The following GALNTL6 variants were observed in gnomAD, a reference collection of about 807,000 sequenced individuals.
GALNTL6 encodes polypeptide N-acetylgalactosaminyltransferase like 6, also known as polypeptide N-acetylgalactosaminyltransferase-like 6.
GALNTL6 carries 46 observed loss-of-function variants against 73.7 expected under a neutral mutation model. The ratio of observed to expected loss-of-function variants is 0.62; its 90% confidence interval spans 0.49 to 0.80. GALNTL6 has a LOEUF of 0.80. Ranked by LOEUF, GALNTL6 falls within the 30% of genes least tolerant of loss-of-function variation. The pLI is 0.00. For synonymous variants in GALNTL6, 259 were observed against 263.7 expected, an observed-to-expected ratio of 0.98 and a Z score of 0.17; for missense variants, 604 against 755.0, an observed-to-expected ratio of 0.80 and a Z score of 2.34.
Position 172,831,185 on chromosome 4 carries a change from A to T in GALNTL6, c.923+17462A>T, listed in dbSNP as rs1742616331. Reference sequence around the variant, plus strand: ...AAAAAAAAAAAAAAAAAAAAAAAAAAAAAAAGATTCAGAGTCAAAAGACAC... The same window carrying T: ...AAAAAAAAAAAAAAAAAAAAAAAAATAAAAAGATTCAGAGTCAAAAGACAC... On this transcript the variant is annotated intron_variant, in intron 7 of 12. Transcript: ENST00000506823. Among the ~76,000 whole-genome samples, 3 of 142,238 alleles carry T rather than the reference A, an allele frequency of 2.1e-5. No homozygotes were observed. In the Admixed American group the frequency reaches 2.1e-4, roughly 10 times the overall value. 93.3% of individuals were successfully genotyped at this position (142,238 alleles called of 152,430 possible). A position where few individuals can be genotyped will look rare whatever the true frequency, so the allele number is the denominator to read the frequency against.
intron 5 of GALNTL6, among the ~76,000 whole-genome samples, chr4:172,364,179 T>TGG (rs1235717736): frequency 6.6e-6 from 1 of 152,152 alleles, no homozygotes; most frequent in Non-Finnish European, 1.5e-5. Context: ...CAGCCCTCTG[T>TGG]GGGGAGCCAA....
chr4:172,488,857 A>C, intron 5 of GALNTL6, among the ~76,000 whole-genome samples: 1 of 141,252 alleles, frequency 7.1e-6, no homozygotes, highest in Non-Finnish European at 1.6e-5. Context: ...GGGGGTGGGT[A>C]CTAGTTCTGT....
At chr4:172,083,512 G>A (rs1294700032) in intron 2 of GALNTL6, among the ~76,000 whole-genome samples, 1 of 152,172 alleles carries the variant, frequency 6.6e-6, no homozygotes, top group Non-Finnish European at 1.5e-5. Flanking sequence ...CAGGGCCTTT[G>A]CATTAACTGT....
chr4:172,370,126 G>C (rs1239094127), intron 5 of GALNTL6, among the ~76,000 whole-genome samples: 1 of 152,190 alleles, frequency 6.6e-6, no homozygotes, highest in Non-Finnish European at 1.5e-5. Context: ...GGGCCCTGCA[G>C]TTGTAGTGTC....
chr4:172,072,978 A>T (rs1473050029), intron 2 of GALNTL6, among the ~76,000 whole-genome samples: 1 of 152,198 alleles, frequency 6.6e-6, no homozygotes, highest in East Asian at 1.9e-4. Flanking sequence ...ACGTGATCTT[A>T]TACCTGCCTA....
At chr4:172,492,446 T>C (rs1304227808) in intron 5 of GALNTL6, among the ~76,000 whole-genome samples, 1 of 152,168 alleles carries the variant, frequency 6.6e-6, no homozygotes, top group Non-Finnish European at 1.5e-5. Flanking sequence ...TCCTGACATG[T>C]ACAATAGTAT....
chr4:172,336,451 T>C (rs1024690993), intron 4 of GALNTL6, among the ~76,000 whole-genome samples: 1 of 151,094 alleles, frequency 6.6e-6, no homozygotes, highest in African/African-American at 2.4e-5. Flanking sequence ...TTTTTTTTTT[T>C]TTTTAAGTAG....
intron 8 of GALNTL6, among the ~76,000 whole-genome samples, chr4:172,925,475 T>G (rs1044951197): frequency 6.6e-6 from 1 of 152,178 alleles, no homozygotes; most frequent in African/African-American, 2.4e-5. Context: ...TAAAAGAGAT[T>G]TGGCAAACGT....
At position 172,156,556 on chromosome 4, in the gene GALNTL6, T is replaced by TATAC. The variant is rs1734291394; in HGVS notation, c.139-73097_139-73096insCATA. ...TATATATATAATATATATATATATA[T>TATAC]ATATATATATACATACTATATATAT... is the stretch of plus-strand genomic sequence containing the variant. On this transcript the variant is annotated intron_variant, in intron 2 of 12. Transcript: ENST00000506823. Among the ~76,000 whole-genome samples the TATAC allele has an allele frequency of 3.7e-5, 5 of 136,642 alleles. 1 individual carries two copies. The highest frequency in any genetic ancestry group is 1.5e-4 in the African/African-American group (5 of 34,336). 89.6% of individuals were successfully genotyped at this position (136,642 alleles called of 152,430 possible). A position where few individuals can be genotyped will look rare whatever the true frequency, so the allele number is the denominator to read the frequency against.
chr4:171,954,613 AT>A lies in GALNTL6; in HGVS notation c.138+139897del, dbSNP rs780125586. ...TGTGAAACAATATTTCTAAATATTC[AT>A]TAAAATAATCTGAATAAGTATTGGG... On this transcript the variant is annotated intron_variant, in intron 2 of 12. Coordinates refer to ENST00000506823, the MANE Select transcript of GALNTL6 (RefSeq NM_001034845.3). Among the ~76,000 whole-genome samples, 5 of 152,348 alleles carry A rather than the reference AT, an allele frequency of 3.3e-5. No individual in the cohort carries two copies. The East Asian group carries it at 9.6e-4, about 29-fold the overall frequency.
intron 3 of GALNTL6, among the ~76,000 whole-genome samples, chr4:172,309,307 A>C (rs1021977880): frequency 2.0e-5 from 3 of 152,212 alleles, no homozygotes; most frequent in African/African-American, 7.2e-5. Context: ...TGATATGGAA[A>C]CCAAATTTTC....
chr4:172,136,456 G>C (rs1212779271), intron 2 of GALNTL6, among the ~76,000 whole-genome samples: 3 of 151,866 alleles, frequency 2.0e-5, no homozygotes, highest in Non-Finnish European at 2.9e-5. Flanking sequence ...AGAATGTATA[G>C]TCTGGCCTAT....
At chr4:172,036,491 T>A (rs991257692) in intron 2 of GALNTL6, among the ~76,000 whole-genome samples, 1 of 152,152 alleles carries the variant, frequency 6.6e-6, no homozygotes, top group Non-Finnish European at 1.5e-5. Flanking sequence ...GAAGAACCAA[T>A]AGCATAATAC....
intron 2 of GALNTL6, among the ~76,000 whole-genome samples, chr4:172,071,778 T>C (rs1297909728): frequency 2.4e-5 from 1 of 41,290 alleles, no homozygotes; most frequent in Non-Finnish European, 5.9e-5. Context: ...GTGGGAAAGC[T>C]TTATTATGGA....
At chr4:172,227,540 C>G (rs1445708441) in intron 2 of GALNTL6, among the ~76,000 whole-genome samples, 1 of 152,084 alleles carries the variant, frequency 6.6e-6, no homozygotes, top group Non-Finnish European at 1.5e-5. Flanking sequence ...AATGGTCAAT[C>G]TTTATCTTTT....
intron 2 of GALNTL6, among the ~76,000 whole-genome samples, chr4:172,064,425 A>G (rs184898028): frequency 2.0e-3 from 308 of 152,324 alleles, no homozygotes; most frequent in African/African-American, 7.2e-3. Flanking sequence ...TTAGTTTTCA[A>G]AAGTGTATTC....
At chr4:172,429,209 T>C (rs1478656241) in intron 5 of GALNTL6, among the ~76,000 whole-genome samples, 1 of 148,986 alleles carries the variant, frequency 6.7e-6, no homozygotes, top group African/African-American at 2.5e-5. Flanking sequence ...TTTTATTTTA[T>C]TTTATTTTAT....
chr4:172,882,184 A>C (rs1745490484), intron 7 of GALNTL6, among the ~76,000 whole-genome samples: 1 of 152,164 alleles, frequency 6.6e-6, no homozygotes, highest in Non-Finnish European at 1.5e-5. Flanking sequence ...TTTCTTAGGC[A>C]GAGAAGGCCT....
At chr4:171,911,039 A>G (rs112920843) in intron 2 of GALNTL6, among the ~76,000 whole-genome samples, 82 of 152,336 alleles carry the variant, frequency 5.4e-4, no homozygotes, top group African/African-American at 1.9e-3. Context: ...CAATTTTAAG[A>G]GTCACTAATA....
Sources: allele counts gnomAD v4.1 joint callset (sites outside exome capture counted in the v4.1 genomes callset), GRCh38; gene constraint gnomAD v4.1.1; transcripts MANE v1.5; gene names NCBI Gene and HGNC (gene_info 2026-07-23, HGNC 2026-07-21).